FGF9: variants seen among roughly 807,000 people sequenced by gnomAD.
The protein encoded by FGF9 is fibroblast growth factor 9 (glia-activating factor).
Under a neutral mutation model 19.9 loss-of-function variants are expected in FGF9, and 3 were observed. That is an observed-to-expected ratio of 0.15 (90% confidence interval 0.07 to 0.39). The LOEUF (loss-of-function observed/expected upper bound fraction) is 0.39. Among genes scored for constraint, FGF9 ranks in the 10% least tolerant of loss-of-function variants. FGF9 has a pLI of 1.00. For missense variants in FGF9, 175 were observed against 256.8 expected (o/e 0.68, Z 2.18); for synonymous variants, 107 against 106.9 (o/e 1.00, Z -0.01).
chr13:21,683,723 GA>G (rs1244215377), intron 2 of FGF9, among the ~76,000 whole-genome samples: 1 of 152,246 alleles, frequency 6.6e-6, no homozygotes, highest in Non-Finnish European at 1.5e-5. Context: ...GGCTGTGAGA[GA>G]CACTTTTCCG....
At chr13:21,680,957 C>T in intron 1 of FGF9, 85 bp from the exon 2 acceptor site, 1 of 998,442 alleles carries the variant, frequency 1.0e-6, no homozygotes, top group Non-Finnish European at 1.6e-6. Context: ...GCTTAGTGTC[C>T]TCTCCAAAAC....
At chr13:21,700,285 G>T (rs1872511520) in intron 2 of FGF9, among the ~76,000 whole-genome samples, 1 of 152,154 alleles carries the variant, frequency 6.6e-6, no homozygotes, top group East Asian at 1.9e-4. Flanking sequence ...GGAAAAGGCC[G>T]GAATATTTGC....
Position 21,675,451 on chromosome 13 carries a change from G to A in FGF9, c.277+3262G>A, listed in dbSNP as rs372680901. The stretch of plus-strand genomic sequence containing the variant: ...CGGAACGAGGCCGCGGCGGCGCTAG[G>A]ACACCGCGGCTCGCGCGGGGAGGGC... On this transcript the variant is annotated intron_variant, in intron 1 of 2. Coordinates refer to ENST00000382353, the MANE Select transcript of FGF9 (RefSeq NM_002010.3). Among the ~76,000 whole-genome samples the A allele has an allele frequency of 1.9e-3, 296 of 152,046 alleles. 8 individuals carry two copies. In the East Asian group the frequency reaches 0.042, roughly 21 times the overall value.
At chr13:21,695,001 C>T (rs1240285835) in intron 2 of FGF9, among the ~76,000 whole-genome samples, 3 of 151,924 alleles carry the variant, frequency 2.0e-5, no homozygotes, top group Non-Finnish European at 4.4e-5. Flanking sequence ...GTATATTTGG[C>T]AGGTTCTGTC....
chr13:21,676,300 A>C (rs868036260), intron 1 of FGF9, among the ~76,000 whole-genome samples: 3 of 152,254 alleles, frequency 2.0e-5, no homozygotes, highest in South Asian at 2.1e-4. Flanking sequence ...GCTTCCATTC[A>C]AATTGGGTCA....
chr13:21,676,633 G>T (rs555529771), intron 1 of FGF9, among the ~76,000 whole-genome samples: 104 of 152,342 alleles, frequency 6.8e-4, no homozygotes, highest in African/African-American at 2.5e-3. Context: ...GCTTCTCTGG[G>T]TGAGCAGGAA....
At chr13:21,685,899 A>G (rs1173098439) in intron 2 of FGF9, among the ~76,000 whole-genome samples, 1 of 152,186 alleles carries the variant, frequency 6.6e-6, no homozygotes, top group Non-Finnish European at 1.5e-5. Flanking sequence ...ATACGCTGCC[A>G]GGTTGAAATT....
intron 2 of FGF9, among the ~76,000 whole-genome samples, chr13:21,685,985 A>G (rs1017805067): frequency 6.6e-6 from 1 of 152,230 alleles, no homozygotes; most frequent in African/African-American, 2.4e-5. Context: ...TGTTCTTATC[A>G]GAAAGTTTAG....
chr13:21,698,055 G>A (rs1410382149), intron 2 of FGF9, among the ~76,000 whole-genome samples: 4 of 152,148 alleles, frequency 2.6e-5, no homozygotes, highest in Non-Finnish European at 4.4e-5. Context: ...TGATCCGCCC[G>A]CCTCGGCCTC....
At chr13:21,696,350 A>G (rs1431868247) in intron 2 of FGF9, among the ~76,000 whole-genome samples, 1 of 152,212 alleles carries the variant, frequency 6.6e-6, no homozygotes, top group Non-Finnish European at 1.5e-5. Flanking sequence ...GTTCCAAAGC[A>G]TGGACTTTAG....
rs17070006 is a variant in FGF9 at position 21,672,598 on chromosome 13, C to T, written c.277+409C>T. ...CTTGAAGGCAGTGGGTATCTTGTGCCCAAATTAAGGTTTTTTTCCTTTCCC... is the reference window on the plus strand; with the variant it reads ...CTTGAAGGCAGTGGGTATCTTGTGCTCAAATTAAGGTTTTTTTCCTTTCCC... On this transcript the variant is annotated intron_variant, in intron 1 of 2. Coordinates refer to ENST00000382353, the MANE Select transcript of FGF9 (RefSeq NM_002010.3). This position sits in a 1 kb window ranked among gnomAD's most constrained non-coding sequence, Gnocchi z 4.2. 6.6e-6 allele frequency among the ~76,000 whole-genome samples: 1 copy of T among 152,102 alleles called. No individual in the cohort carries two copies.
chr13:21,684,859 C>T (rs1313388211), intron 2 of FGF9, among the ~76,000 whole-genome samples: 10 of 152,160 alleles, frequency 6.6e-5, no homozygotes, highest in Admixed American at 6.6e-4. Flanking sequence ...TGCAGTGAGA[C>T]CTTTTTGTCT....
rs17070161 is a variant in FGF9 at position 21,679,278 on chromosome 13, C to T, written c.278-1764C>T. On this transcript the variant is annotated intron_variant, in intron 1 of 2. Transcript: ENST00000382353. Reference sequence around the variant, plus strand: ...CCTTATAAAAGAATTAGGAATGCCCCTTTAGAAGAAATAGCTCTTCTTTTT... The same window carrying T: ...CCTTATAAAAGAATTAGGAATGCCCTTTTAGAAGAAATAGCTCTTCTTTTT... Among the ~76,000 whole-genome samples the T allele has an allele frequency of 7.0e-3, 1,073 of 152,252 alleles. 12 individuals are homozygous for T. Among genetic ancestry groups the T allele is most frequent in the African/African-American group, 0.024 (991 of 41,532 alleles).
At position 21,691,106 on chromosome 13, in the gene FGF9, A is replaced by C. The variant is rs1350537208; in HGVS notation, c.381+9961A>C. On this transcript the variant is annotated intron_variant, in intron 2 of 2. Coordinates refer to ENST00000382353, the MANE Select transcript of FGF9 (RefSeq NM_002010.3). The surrounding 1 kb of genome is among the most constrained non-coding windows in gnomAD (Gnocchi z 4.2). Reference sequence around the variant, plus strand: ...GTATTTCCCCCGGGAGCAATGGTTCAGTATTCTAGGAGACTTTATAGAACT... The same window carrying C: ...GTATTTCCCCCGGGAGCAATGGTTCCGTATTCTAGGAGACTTTATAGAACT... 6.6e-6 allele frequency among the ~76,000 whole-genome samples: 1 copy of C among 152,228 alleles called. No homozygotes were observed. Among genetic ancestry groups the C allele is most frequent in the Non-Finnish European group, 1.5e-5 (1 of 68,036 alleles).
At chr13:21,686,715 G>A (rs925682789) in intron 2 of FGF9, among the ~76,000 whole-genome samples, 1 of 152,210 alleles carries the variant, frequency 6.6e-6, no homozygotes, top group Non-Finnish European at 1.5e-5. Flanking sequence ...GGCAATTTAT[G>A]TGCAGTTGGC....
At chr13:21,694,962 G>T (rs1271335107) in intron 2 of FGF9, among the ~76,000 whole-genome samples, 1 of 152,174 alleles carries the variant, frequency 6.6e-6, no homozygotes, top group Non-Finnish European at 1.5e-5. Context: ...TTCCAAGGAA[G>T]ACCTCTCAAT....
chr13:21,671,569 G>T lies in FGF9; in HGVS notation c.-344G>T. ...TCTCAAACCAAATGGAGAAACTACG[G>T]ATTTTTTTTCCTTATTACGGTCGGA... On this transcript the variant is annotated 5_prime_UTR_variant, in exon 1 of 3. Coordinates refer to ENST00000382353, the MANE Select transcript of FGF9 (RefSeq NM_002010.3). 1 of 498,030 alleles carries T rather than the reference G, an allele frequency of 2.0e-6. No individual in the cohort carries two copies. The highest frequency in any genetic ancestry group is 4.0e-5 in the South Asian group (1 of 25,058). The allele number at this position is 498,030 out of a possible 1,614,324, so 30.9% of individuals were successfully genotyped here.
rs1872595526 is a variant in FGF9 at position 21,703,734 on chromosome 13, T to G, written c.*2299T>G. On this transcript the variant is annotated 3_prime_UTR_variant, in exon 3 of 3. Transcript: ENST00000382353. ...ACTATGTAGCACTGAAAAAATTGAT[T>G]TTAGGTGACAGCCAAAAGTAGTCTT... is the stretch of plus-strand genomic sequence containing the variant. The G allele has an allele frequency of 6.6e-6, 1 of 152,084 alleles. No individual in the cohort carries two copies. Among genetic ancestry groups the G allele is most frequent in the South Asian group, 2.1e-4 (1 of 4,826 alleles). 9.4% of individuals were successfully genotyped at this position (152,084 alleles called of 1,614,324 possible).
intron 2 of FGF9, among the ~76,000 whole-genome samples, chr13:21,695,104 G>T (rs1872376979): frequency 6.6e-6 from 1 of 151,698 alleles, no homozygotes; most frequent in Non-Finnish European, 1.5e-5. Context: ...GTGTGTGTGT[G>T]TGTGTGTGTG....
Sources: gnomAD v4.1 joint callset for allele counts (sites outside exome capture counted in the v4.1 genomes callset) on GRCh38, gnomAD v4.1.1 for gene constraint, Gnocchi (gnomAD v3.1) non-coding constraint, MANE v1.5 for transcripts, NCBI Gene and HGNC (gene_info 2026-07-23, HGNC 2026-07-21) for gene names.